GALNT13: variants seen among roughly 807,000 people sequenced by gnomAD.
The protein encoded by GALNT13 is UDP-GalNAc:polypeptide N-acetylgalactosaminyltransferase 13.
A neutral mutation model predicts 64.2 loss-of-function variants in GALNT13; 28 were observed. That is an observed-to-expected ratio of 0.44 (90% CI 0.32 to 0.60). The LOEUF is 0.60. Ranked by LOEUF, GALNT13 falls within the 20% of genes least tolerant of loss-of-function variation. GALNT13 has a pLI of 0.05. For synonymous variants in GALNT13, 214 were observed against 224.6 expected, an observed-to-expected ratio of 0.95 and a Z score of 0.42; for missense variants, 577 against 669.8, an observed-to-expected ratio of 0.86 and a Z score of 1.53.
the GALNT13 span, among the ~76,000 whole-genome samples, chr2:153,723,082 G>T: frequency 6.7e-6 from 1 of 149,326 alleles, no homozygotes; most frequent in African/African-American, 2.5e-5. Flanking sequence ...GAATCCAGCA[G>T]CACATCAAAA....
chr2:153,581,489 T>A, the GALNT13 span, among the ~76,000 whole-genome samples: 3 of 152,078 alleles, frequency 2.0e-5, no homozygotes, highest in Admixed American at 6.6e-5. Flanking sequence ...TAATATATAT[T>A]TTTTTAAATT....
At chr2:154,098,090 C>CTTTTT (rs10673538) in intron 3 of GALNT13, among the ~76,000 whole-genome samples, 11 of 134,720 alleles carry the variant, frequency 8.2e-5, no homozygotes, top group African/African-American at 3.1e-4. Flanking sequence ...GCTTGTCTTT[C>CTTTTT]TTTTTTTTTT....
chr2:153,906,714 A>G (rs1429334720), intron 2 of GALNT13, among the ~76,000 whole-genome samples: 55 of 151,760 alleles, frequency 3.6e-4, no homozygotes, highest in African/African-American at 1.3e-3. Context: ...ATACGTGTGC[A>G]TGTGTCTTTA....
the GALNT13 span, among the ~76,000 whole-genome samples, chr2:153,572,446 C>A: frequency 7.4e-5 from 11 of 149,182 alleles, no homozygotes; most frequent in Non-Finnish European, 1.5e-5. Flanking sequence ...TTATTTATTT[C>A]TGCCCTGGTC....
chr2:153,231,639 A>C, the GALNT13 span, among the ~76,000 whole-genome samples: 3 of 152,224 alleles, frequency 2.0e-5, no homozygotes, highest in Admixed American at 6.5e-5. Flanking sequence ...ACAAAAACAC[A>C]TAATTTTTCA....
At chr2:153,806,432 C>T in the GALNT13 span, among the ~76,000 whole-genome samples, 4 of 151,996 alleles carry the variant, frequency 2.6e-5, no homozygotes, top group Admixed American at 2.0e-4. Flanking sequence ...AGAGGAGAAG[C>T]GTGTCTCTTT....
intron 3 of GALNT13, among the ~76,000 whole-genome samples, chr2:154,037,333 C>G (rs1025340173): frequency 6.6e-6 from 1 of 151,988 alleles, no homozygotes. Context: ...TATAGCATTT[C>G]AAAAATTAAA....
the GALNT13 span, among the ~76,000 whole-genome samples, chr2:153,307,840 A>T: frequency 6.6e-6 from 1 of 152,144 alleles, no homozygotes; most frequent in Non-Finnish European, 1.5e-5. Context: ...AAGATCAGGG[A>T]CCTATCTCAA....
At chr2:154,025,967 G>C (rs1187660568) in intron 3 of GALNT13, among the ~76,000 whole-genome samples, 2 of 152,164 alleles carry the variant, frequency 1.3e-5, no homozygotes, top group Non-Finnish European at 2.9e-5. Context: ...GAGGGAGAGA[G>C]AGAAGGGGAG....
At position 154,039,557 on chromosome 2, in the gene GALNT13, A is replaced by C. The variant is rs1332377542; in HGVS notation, c.142+94918A>C. 1.4e-5 allele frequency among the ~76,000 whole-genome samples: 2 copies of C among 139,744 alleles called. 1 individual carries two copies. Among genetic ancestry groups the C allele is most frequent in the Admixed American group, 1.4e-4 (2 of 13,848 alleles). 91.7% of individuals were successfully genotyped at this position (139,744 alleles called of 152,430 possible). A position where few individuals can be genotyped will look rare whatever the true frequency, so the allele number is the denominator to read the frequency against. On this transcript the variant is annotated intron_variant, in intron 3 of 12. Coordinates refer to ENST00000392825, the MANE Select transcript of GALNT13 (RefSeq NM_052917.4). ...TCTCACTCAAGTGGAAGCTAAAAAAACAAAAATGAGTTTATAGAAATAGAG... is the reference window on the plus strand; with the variant it reads ...TCTCACTCAAGTGGAAGCTAAAAAACCAAAAATGAGTTTATAGAAATAGAG...
At chr2:154,392,594 A>G (rs1698847936) in intron 9 of GALNT13, among the ~76,000 whole-genome samples, 1 of 152,236 alleles carries the variant, frequency 6.6e-6, no homozygotes, top group Non-Finnish European at 1.5e-5. Context: ...CTGTGGGACA[A>G]TTGGGCTGGT....
intron 3 of GALNT13, among the ~76,000 whole-genome samples, chr2:154,075,781 T>C (rs975167164): frequency 2.7e-5 from 4 of 147,156 alleles, no homozygotes; most frequent in Non-Finnish European, 4.6e-5. Context: ...TTTGTTTGTT[T>C]TTATCTCTAG....
intron 9 of GALNT13, among the ~76,000 whole-genome samples, chr2:154,310,092 C>T (rs1693951097): frequency 6.6e-6 from 1 of 152,200 alleles, no homozygotes; most frequent in Non-Finnish European, 1.5e-5. Flanking sequence ...TTAATGAATA[C>T]TGCCACCTTT....
At chr2:153,965,797 A>G (rs1693291538) in intron 3 of GALNT13, among the ~76,000 whole-genome samples, 1 of 142,672 alleles carries the variant, frequency 7.0e-6, no homozygotes, top group African/African-American at 2.8e-5. Flanking sequence ...AGGAAAAAAT[A>G]AGCAAAAAAA....
chr2:154,133,638 C>T (rs1486056995), intron 3 of GALNT13, among the ~76,000 whole-genome samples: 1 of 142,524 alleles, frequency 7.0e-6, no homozygotes, highest in Non-Finnish European at 1.5e-5. Flanking sequence ...ACTTTTTTAT[C>T]AGTCTTTTGA....
At chr2:153,265,683 G>A in the GALNT13 span, among the ~76,000 whole-genome samples, 2 of 152,252 alleles carry the variant, frequency 1.3e-5, no homozygotes, top group East Asian at 3.9e-4. Flanking sequence ...TTTTTTGTGT[G>A]TAGATAAATG....
the GALNT13 span, among the ~76,000 whole-genome samples, chr2:153,299,748 A>T: frequency 6.6e-6 from 1 of 152,188 alleles, no homozygotes; most frequent in South Asian, 2.1e-4. Flanking sequence ...TGAGGGCTGA[A>T]TGGAGGATCT....
chr2:154,231,350 G>A (rs1196596307), intron 4 of GALNT13, among the ~76,000 whole-genome samples: 2 of 151,920 alleles, frequency 1.3e-5, no homozygotes, highest in Non-Finnish European at 2.9e-5. Context: ...CCTATCTGTG[G>A]TTATGATTTA....
At chr2:153,768,592 C>G in the GALNT13 span, among the ~76,000 whole-genome samples, 1 of 152,118 alleles carries the variant, frequency 6.6e-6, no homozygotes, top group Non-Finnish European at 1.5e-5. Context: ...GGGACAGGCA[C>G]AGTGGCTCAC....
Sources: allele counts gnomAD v4.1 joint callset (sites outside exome capture counted in the v4.1 genomes callset), GRCh38; gene constraint gnomAD v4.1.1; transcripts MANE v1.5; gene names NCBI Gene and HGNC (gene_info 2026-07-23, HGNC 2026-07-21).